The following CCDC171 variants were observed in gnomAD, a reference collection of about 807,000 sequenced individuals.
The protein encoded by CCDC171 is coiled-coil domain-containing protein 171.
In CCDC171, 177 loss-of-function variants were observed where a neutral mutation model predicts 168.2. That is an observed-to-expected ratio of 1.05 (90% CI 0.93 to 1.19). CCDC171 has a LOEUF of 1.19. Ranked by LOEUF, CCDC171 falls within the 50% of genes most tolerant of loss-of-function variation. The pLI is 0.00. For missense variants in CCDC171, 1,991 were observed against 1,539.0 expected (o/e 1.29, Z -4.91); for synonymous variants, 687 against 540.8 (o/e 1.27, Z -3.75).
rs2041990674 is a variant in CCDC171, at chr9:15,591,292, C to T, written c.353-74C>T. The T allele has an allele frequency of 1.9e-5, 16 of 849,856 alleles. 1 individual carries two copies. In the South Asian group the frequency reaches 2.6e-4, roughly 14 times the overall value. The allele number at this position is 849,856 out of a possible 1,614,324, so 52.6% of individuals were successfully genotyped here. A position where few individuals can be genotyped will look rare whatever the true frequency, so the allele number is the denominator to read the frequency against. On this transcript the variant is annotated intron_variant, in intron 4 of 25. Coordinates refer to ENST00000380701, the MANE Select transcript of CCDC171 (RefSeq NM_173550.4). ...ATCATGCTGTAAATGATGTCAACTC[C>T]AATGCCTAGGTTTTGGGGCTCCTTG...
At chr9:15,915,911 T>C (rs1436080258) in intron 24 of CCDC171, among the ~76,000 whole-genome samples, 1 of 152,138 alleles carries the variant, frequency 6.6e-6, no homozygotes, top group African/African-American at 2.4e-5. Context: ...TGATATATCA[T>C]GTTTGTTGAT....
At position 15,657,182 on chromosome 9, in the gene CCDC171, C is replaced by T. The variant is rs141812748; in HGVS notation, c.878C>T (p.Ala293Val). 101 of 1,610,854 alleles carry T rather than the reference C, an allele frequency of 6.3e-5. No individual in the cohort carries two copies. Among genetic ancestry groups the T allele is most frequent in the Non-Finnish European group, 7.2e-5 (85 of 1,177,880 alleles). Reference protein sequence around the residue: ...LEENIEAERAAHLESKFNSEI... With the variant: ...LEENIEAERAVHLESKFNSEI... ...GAAAACATTGAAGCAGAAAGAGCAG[C>T]GCATTTGGAATCAAAATTTAATTCT... Residue 293 changes from alanine (A) to valine (V), a missense_variant, in exon 8 of 26, where the codon GCG (alanine) becomes GTG (valine). Physicochemically the swap from Ala to Val is moderately conservative, Grantham distance 64. Transcript: ENST00000380701.
chr9:15,749,963 A>T (rs1459389519), intron 18 of CCDC171, among the ~76,000 whole-genome samples: 1 of 152,086 alleles, frequency 6.6e-6, no homozygotes, highest in Non-Finnish European at 1.5e-5. Context: ...ACAAGAAATG[A>T]CTATGATCAG....
chr9:15,815,583 G>C lies in CCDC171; in HGVS notation c.3267+30889G>C, dbSNP rs181922905. On this transcript the variant is annotated intron_variant, in intron 21 of 25. Transcript: ENST00000380701. ...TTAATAAAATTGTTTGCCCTACTCT[G>C]AGGGTACAGAATGAAAATGTTGCAT... Among the ~76,000 whole-genome samples, 16 of 114,870 alleles carry C rather than the reference G, an allele frequency of 1.4e-4. 6 individuals carry two copies. The highest frequency in any genetic ancestry group is 4.2e-4 in the Admixed American group (5 of 12,044). 75.4% of individuals were successfully genotyped at this position (114,870 alleles called of 152,430 possible). A position where few individuals can be genotyped will look rare whatever the true frequency, so the allele number is the denominator to read the frequency against.
At chr9:15,854,988 T>C (rs1484382907) in intron 23 of CCDC171, among the ~76,000 whole-genome samples, 1 of 151,708 alleles carries the variant, frequency 6.6e-6, no homozygotes, top group Non-Finnish European at 1.5e-5. Context: ...AAGTTCGTTG[T>C]ATGCTCCAAT....
chr9:15,699,039 C>G (rs1209799127), intron 11 of CCDC171, among the ~76,000 whole-genome samples: 2 of 152,198 alleles, frequency 1.3e-5, no homozygotes, highest in East Asian at 3.8e-4. Flanking sequence ...TTGGTGGTTA[C>G]TTGGTCTCAC....
chr9:15,976,928 C>G (rs182689446), downstream of CCDC171, among the ~76,000 whole-genome samples: 1 of 152,076 alleles, frequency 6.6e-6, no homozygotes, highest in Non-Finnish European at 1.5e-5. Context: ...TAAATGTGAT[C>G]AAACCTAAAA....
intron 25 of CCDC171, among the ~76,000 whole-genome samples, chr9:15,938,614 G>A (rs930940195): frequency 2.1e-4 from 32 of 151,916 alleles, no homozygotes; most frequent in African/African-American, 7.2e-4. Context: ...TTGAAGTTTG[G>A]ATATATTGCA....
At chr9:15,787,647 T>C (rs1449125729) in intron 21 of CCDC171, among the ~76,000 whole-genome samples, 1 of 152,174 alleles carries the variant, frequency 6.6e-6, no homozygotes, top group Non-Finnish European at 1.5e-5. Context: ...AATTCCTAGA[T>C]GAGGAATTAC....
intron 24 of CCDC171, 38 bp downstream of exon 24, chr9:15,874,701 A>G (rs748808991): frequency 1.4e-6 from 2 of 1,478,260 alleles, no homozygotes; most frequent in Non-Finnish European, 1.8e-6. Context: ...ACTGAGACAT[A>G]TAGAAAAATA....
intron 7 of CCDC171, among the ~76,000 whole-genome samples, chr9:15,654,160 T>C (rs181146618): frequency 6.6e-6 from 1 of 152,254 alleles, no homozygotes; most frequent in African/African-American, 2.4e-5. Flanking sequence ...TTAAATTACC[T>C]TGAGACCCAA....
chr9:16,099,376 C>T, the CCDC171 span, among the ~76,000 whole-genome samples: 3 of 152,314 alleles, frequency 2.0e-5, no homozygotes, highest in East Asian at 1.9e-4. Flanking sequence ...GAAACGCCAT[C>T]GCAGTGGCTC....
intron 6 of CCDC171, among the ~76,000 whole-genome samples, chr9:15,605,131 A>G (rs1284063678): frequency 6.6e-6 from 1 of 152,050 alleles, no homozygotes; most frequent in Non-Finnish European, 1.5e-5. Flanking sequence ...TCCTGGGCTC[A>G]AGTGATCCTT....
At position 15,817,236 on chromosome 9, in the gene CCDC171, G is replaced by A. The variant is rs1286087459; in HGVS notation, c.3268-29466G>A. Among the ~76,000 whole-genome samples the A allele has an allele frequency of 1.7e-5, 2 of 117,784 alleles. 1 individual carries two copies. Among genetic ancestry groups the A allele is most frequent in the East Asian group, 4.3e-4 (2 of 4,692 alleles). The allele number at this position is 117,784 out of a possible 152,430, so 77.3% of individuals were successfully genotyped here. On this transcript the variant is annotated intron_variant, in intron 21 of 25. Coordinates refer to ENST00000380701, the MANE Select transcript of CCDC171 (RefSeq NM_173550.4). ...GGGTGGAGCCAAGATGGCCAAATAGGAACAGCTCCAGTCTACAGCTCCCAG... is the reference window on the plus strand; with the variant it reads ...GGGTGGAGCCAAGATGGCCAAATAGAAACAGCTCCAGTCTACAGCTCCCAG...
In CCDC171 at chr9:15,744,324, A is replaced by G. The variant is rs762181029; in HGVS notation, c.2101A>G (p.Lys701Glu). The change falls in exon 17 of 26, where the codon AAG (lysine) becomes GAG (glutamate). Residue 701 changes from lysine (K) to glutamate (E), a missense_variant. Lys to Glu is a moderately conservative substitution (Grantham distance 56, BLOSUM62 1). Coordinates refer to ENST00000380701, the MANE Select transcript of CCDC171 (RefSeq NM_173550.4). ...CATGGAAAAATTGAACCATATTGAG[A>G]AGTCACATGAACAGTTGGTTCTTGA... ...KNMEKLNHIE[K>E]SHEQLVLENS... is the part of the protein sequence containing the mutation. 1.2e-5 allele frequency: 19 copies of G among 1,611,518 alleles called. No homozygotes were observed. The highest frequency in any genetic ancestry group is 2.2e-5 in the East Asian group (1 of 44,868).
chr9:15,705,345 T>C (rs907262532), intron 11 of CCDC171, among the ~76,000 whole-genome samples: 1 of 152,216 alleles, frequency 6.6e-6, no homozygotes, highest in Non-Finnish European at 1.5e-5. Flanking sequence ...TGTAAGGTCC[T>C]GTGCTTTACT....
rs150638631 is a variant in CCDC171, at chr9:16,025,315, G to A, written n.998+2407G>A. On this transcript the variant is annotated intron_variant and non_coding_transcript_variant, in intron 6 of 9. Transcript: ENST00000486641. Reference sequence around the variant, plus strand: ...AAATTAGCCTGATGTGGTCATGTGCGCCTGTAATCCCAGCTACTCGGGAGG... The same window carrying A: ...AAATTAGCCTGATGTGGTCATGTGCACCTGTAATCCCAGCTACTCGGGAGG... Among the ~76,000 whole-genome samples, 878 of 152,172 alleles carry A rather than the reference G, an allele frequency of 5.8e-3. 13 individuals are homozygous for A. Among genetic ancestry groups the A allele is most frequent in the African/African-American group, 0.02 (826 of 41,520 alleles).
At chr9:15,873,955 G>T (rs894566301) in intron 23 of CCDC171, among the ~76,000 whole-genome samples, 1 of 152,088 alleles carries the variant, frequency 6.6e-6, no homozygotes, top group African/African-American at 2.4e-5. Context: ...TAATCATTAA[G>T]ACTCAAGTTT....
chr9:15,694,686 A>C (rs2051077122), intron 10 of CCDC171, among the ~76,000 whole-genome samples: 1 of 152,170 alleles, frequency 6.6e-6, no homozygotes, highest in Non-Finnish European at 1.5e-5. Context: ...GGTCTAACCC[A>C]ATGCAGTTTT....
Sources: allele counts gnomAD v4.1 joint callset (sites outside exome capture counted in the v4.1 genomes callset), GRCh38; gene constraint gnomAD v4.1.1; transcripts MANE v1.5; gene names NCBI Gene and HGNC (gene_info 2026-07-23, HGNC 2026-07-21).